Variants in TBXAS1 observed in about 807,000 individuals in gnomAD.
The protein encoded by TBXAS1 is thromboxane A synthase 1, also known as thromboxane-A synthase.
TBXAS1 carries 48 observed loss-of-function variants against 60.7 expected under a neutral mutation model. The ratio of observed to expected loss-of-function variants is 0.79; its 90% CI spans 0.63 to 1.01. The LOEUF (loss-of-function observed/expected upper bound fraction) is 1.01. Ranked by LOEUF, TBXAS1 falls within the 50% of genes least tolerant of loss-of-function variation. TBXAS1 has a pLI of 0.00. For missense variants in TBXAS1, 685 were observed against 686.3 expected (o/e 1.00, Z 0.02); for synonymous variants, 287 against 269.7 (o/e 1.06, Z -0.63).
intron 1 of TBXAS1, 129 bp downstream of exon 1, chr7:139,829,608 C>T: frequency 1.2e-6 from 1 of 838,392 alleles, no homozygotes. Context: ...TGAGTATTAA[C>T]ACAGCTTCAG....
chr7:139,968,962 G>GA (rs1209222097), intron 9 of TBXAS1, among the ~76,000 whole-genome samples: 2 of 152,062 alleles, frequency 1.3e-5, no homozygotes, highest in Admixed American at 6.5e-5. Flanking sequence ...GATGAGAAAG[G>GA]AAAAAAACCA....
rs183399796 is a variant in TBXAS1, at chr7:139,856,108, G to A, written c.90-16127G>A. 3.1e-3 allele frequency among the ~76,000 whole-genome samples: 470 copies of A among 152,260 alleles called. 3 individuals carry two copies. The highest frequency in any genetic ancestry group is 4.6e-3 in the Admixed American group (70 of 15,292). The stretch of plus-strand genomic sequence containing the variant: ...GCTAAGATCCCCCAATGAGGACAAC[G>A]TCATCAATTACTTAAGCCATTACCT... On this transcript the variant is annotated intron_variant, in intron 1 of 12. Coordinates refer to ENST00000448866, the MANE Select transcript of TBXAS1 (RefSeq NM_001061.7).
intron 1 of TBXAS1, among the ~76,000 whole-genome samples, chr7:139,856,840 C>G (rs935372012): frequency 2.6e-5 from 4 of 152,250 alleles, no homozygotes; most frequent in Middle Eastern, 3.4e-3. Context: ...AAGAAAGGGG[C>G]AGCATCAGGT....
chr7:139,875,448 G>T (rs1802155344), intron 2 of TBXAS1, 137 bp from the exon 3 acceptor site: 1 of 780,316 alleles, frequency 1.3e-6, no homozygotes, highest in Admixed American at 2.3e-5. Context: ...CAAAGTACCT[G>T]AAAGCAATAT....
At chr7:139,800,496 A>G (rs547072894) in intron 4 of TBXAS1, among the ~76,000 whole-genome samples, 4 of 152,086 alleles carry the variant, frequency 2.6e-5, no homozygotes, top group African/African-American at 9.6e-5. Flanking sequence ...CAGTAGTGTC[A>G]TTCCCACTTC....
chr7:139,976,499 T>C (rs1246282973), intron 9 of TBXAS1, among the ~76,000 whole-genome samples: 1 of 152,220 alleles, frequency 6.6e-6, no homozygotes, highest in East Asian at 1.9e-4. Flanking sequence ...GACGCCAGCC[T>C]TCTTGTAGGT....
intron 7 of TBXAS1, among the ~76,000 whole-genome samples, chr7:139,956,411 G>T (rs1175946663): frequency 6.6e-6 from 1 of 152,200 alleles, no homozygotes; most frequent in African/African-American, 2.4e-5. Context: ...CTCCCAAAGT[G>T]CTGGGATTAC....
intron 3 of TBXAS1, among the ~76,000 whole-genome samples, chr7:139,909,677 A>G (rs1006031543): frequency 6.6e-6 from 1 of 152,240 alleles, no homozygotes; most frequent in Non-Finnish European, 1.5e-5. Flanking sequence ...AATTTAAAAC[A>G]ATTAATATCA....
At chr7:140,001,056 C>T (rs2116340995) in intron 9 of TBXAS1, among the ~76,000 whole-genome samples, 1 of 152,336 alleles carries the variant, frequency 6.6e-6, no homozygotes, top group East Asian at 1.9e-4. Context: ...AGACCCGGAA[C>T]AGAACCCTGC....
intron 5 of TBXAS1, among the ~76,000 whole-genome samples, chr7:139,947,572 T>A (rs988323656): frequency 1.9e-4 from 29 of 152,312 alleles, no homozygotes; most frequent in Middle Eastern, 3.4e-3. Flanking sequence ...AATAAAATTT[T>A]AAAAAACTGG....
upstream of TBXAS1, among the ~76,000 whole-genome samples, chr7:139,824,307 G>A (rs531787815): frequency 1.3e-5 from 2 of 152,216 alleles, no homozygotes; most frequent in African/African-American, 2.4e-5. Context: ...CGCATGGCTC[G>A]AGACGGAAAG....
At chr7:139,996,888 A>G (rs970999297) in intron 9 of TBXAS1, among the ~76,000 whole-genome samples, 2 of 152,176 alleles carry the variant, frequency 1.3e-5, no homozygotes, top group African/African-American at 4.8e-5. Context: ...CCCTTTTCCC[A>G]TTCTGACTAC....
chr7:139,957,384 G>C (rs550647487), intron 7 of TBXAS1, among the ~76,000 whole-genome samples: 1 of 152,326 alleles, frequency 6.6e-6, no homozygotes, highest in African/African-American at 2.4e-5. Context: ...TTGAGGGCCA[G>C]ATGGAAGTGC....
At position 139,936,197 on chromosome 7, in the gene TBXAS1, G is replaced by A. The variant is rs752623907; in HGVS notation, c.340G>A (p.Gly114Ser). ...FSNFTNRMAS[G>S]LEFKSVADSV... is the part of the protein sequence containing the mutation. ...GCTTGTTACTTCCCAACAGGCGTCG[G>A]GTTTGGAGTTCAAGTCGGTAGCCGA... Residue 114 changes from glycine to serine, a missense_variant, in exon 5 of 13, where the codon GGT (glycine) becomes AGT (serine). Transcript: ENST00000448866. 4 of 1,614,198 alleles carry A rather than the reference G, an allele frequency of 2.5e-6. No homozygotes were observed. The highest frequency in any genetic ancestry group is 3.4e-6 in the Non-Finnish European group (4 of 1,180,042).
chr7:139,809,792 GC>G (rs1034986093), intron 4 of TBXAS1, among the ~76,000 whole-genome samples: 2 of 152,128 alleles, frequency 1.3e-5, no homozygotes, highest in Non-Finnish European at 2.9e-5. Context: ...AATGGGTGGT[GC>G]CCGTCCATGT....
chr7:139,850,463 G>A (rs1800140794), intron 1 of TBXAS1, among the ~76,000 whole-genome samples: 1 of 152,160 alleles, frequency 6.6e-6, no homozygotes, highest in South Asian at 2.1e-4. Context: ...CCCTAGGGTG[G>A]TGTGGAAGAT....
rs1800331484 is a variant in TBXAS1 at position 139,852,998 on chromosome 7, A to G, written c.90-19237A>G. Among the ~76,000 whole-genome samples, 1 of 150,204 alleles carries G rather than the reference A, an allele frequency of 6.7e-6. No homozygotes were observed. The highest frequency in any genetic ancestry group is 1.5e-5 in the Non-Finnish European group (1 of 67,790). ...CACACACACACACACACAGTTGGCC[A>G]AAGAAGCAACCTGTCTGCTCTGCAC... On this transcript the variant is annotated intron_variant, in intron 1 of 12. Coordinates refer to ENST00000448866, the MANE Select transcript of TBXAS1 (RefSeq NM_001061.7). This position sits in a 1 kb window ranked among gnomAD's most constrained non-coding sequence, Gnocchi z 4.4.
chr7:139,868,198 T>C (rs922293493), intron 1 of TBXAS1, among the ~76,000 whole-genome samples: 4 of 152,352 alleles, frequency 2.6e-5, no homozygotes, highest in African/African-American at 7.2e-5. Flanking sequence ...CAGAACATGG[T>C]GATCGTCTGA....
At chr7:139,859,307 C>T (rs930308172) in intron 1 of TBXAS1, among the ~76,000 whole-genome samples, 2 of 151,050 alleles carry the variant, frequency 1.3e-5, no homozygotes, top group Non-Finnish European at 2.9e-5. Flanking sequence ...CCCGGGTTCA[C>T]ACCATTCTTC....
Sources: allele counts gnomAD v4.1 joint callset (sites outside exome capture counted in the v4.1 genomes callset), GRCh38; gene constraint gnomAD v4.1.1; non-coding constraint Gnocchi (gnomAD v3.1); transcripts MANE v1.5; gene names NCBI Gene and HGNC (gene_info 2026-07-23, HGNC 2026-07-21).